The following EDC3 variants were observed in gnomAD, a reference collection of about 807,000 sequenced individuals.
EDC3 encodes the protein enhancer of mRNA decapping 3.
A neutral mutation model predicts 41.8 loss-of-function variants in EDC3; 20 were observed. The ratio of observed to expected loss-of-function variants is 0.48; its 90% CI spans 0.34 to 0.70. EDC3 has a LOEUF of 0.70. Among genes scored for constraint, EDC3 ranks in the 30% least tolerant of loss-of-function variants. The pLI is 0.01. For missense variants in EDC3, 444 were observed against 636.8 expected, an observed-to-expected ratio of 0.70 and a Z score of 3.26; for synonymous variants, 206 against 243.2, an observed-to-expected ratio of 0.85 and a Z score of 1.42.
chr15:74,636,392 G>A (rs1475484818), intron 5 of EDC3: 1 of 152,276 alleles, frequency 6.6e-6, no homozygotes, highest in Non-Finnish European at 1.5e-5. Context: ...GGAGGCAGCA[G>A]GCCAAGGGTT....
At position 74,671,870 on chromosome 15, in the gene EDC3, G is replaced by C. The variant is rs568139558; in HGVS notation, c.165-96C>G. On this transcript the variant is annotated intron_variant, in intron 2 of 6. Transcript: ENST00000315127. The surrounding 1 kb of genome is among the most constrained non-coding windows in gnomAD (Gnocchi z 4.6). ...CAAACAGCTACCCCTTTGCAGGACTGCATTTTATTGAGTTATCAGAGGCTA... is the reference window on the plus strand; with the variant it reads ...CAAACAGCTACCCCTTTGCAGGACTCCATTTTATTGAGTTATCAGAGGCTA... 1.3e-4 allele frequency: 161 copies of C among 1,229,164 alleles called. 1 individual carries two copies. The South Asian group carries it at 2.2e-3, about 17-fold the overall frequency. The allele number at this position is 1,229,164 out of a possible 1,614,324, so 76.1% of individuals were successfully genotyped here.
chr15:74,683,738 T>C (rs2062901925), intron 1 of EDC3, among the ~76,000 whole-genome samples: 1 of 151,994 alleles, frequency 6.6e-6, no homozygotes, highest in African/African-American at 2.4e-5. Flanking sequence ...AAAAAATCAA[T>C]GCCTTGCATC....
chr15:74,633,357 C>T (rs750149454), intron 6 of EDC3, among the ~76,000 whole-genome samples: 31 of 152,232 alleles, frequency 2.0e-4, no homozygotes, highest in Non-Finnish European at 4.0e-4. Context: ...CAGGGAAACC[C>T]CACTCAGGTC....
At chr15:74,650,565 A>G (rs552474435) in intron 4 of EDC3, among the ~76,000 whole-genome samples, 135 of 152,332 alleles carry the variant, frequency 8.9e-4, no homozygotes, top group African/African-American at 3.1e-3. Context: ...CTCTGGGCAT[A>G]TATGGAATCT....
chr15:74,658,824 C>T (rs1314587975), intron 3 of EDC3, among the ~76,000 whole-genome samples: 3 of 151,990 alleles, frequency 2.0e-5, no homozygotes, highest in Non-Finnish European at 2.9e-5. Context: ...CCTGTAGTCC[C>T]AGCTACTCAG....
intron 1 of EDC3, among the ~76,000 whole-genome samples, chr15:74,678,658 G>A (rs1395133113): frequency 2.0e-5 from 3 of 152,192 alleles, no homozygotes; most frequent in African/African-American, 4.8e-5. Flanking sequence ...GGGAGACTGA[G>A]GCAGGTGGAT....
Position 74,635,570 on chromosome 15 carries a change from T to C in EDC3, c.1031A>G (p.His344Arg). Reference protein sequence around the residue: ...RPTVALLCGPHVKGAQGISCG... With the variant: ...RPTVALLCGPRVKGAQGISCG... ...GCTGATACCCTGAGCCCCCTTCACA[T>C]GAGGTCCACACAGTAGAGCCACTGT... The change falls in exon 6 of 7, where the codon CAT becomes CGT. Residue 344 changes from histidine (H) to arginine (R), a missense_variant. Coordinates refer to ENST00000315127, the MANE Select transcript of EDC3 (RefSeq NM_025083.5). 6.2e-7 allele frequency: 1 copy of C among 1,614,228 alleles called. No homozygotes were observed. The highest frequency in any genetic ancestry group is 8.5e-7 in the Non-Finnish European group (1 of 1,180,042).
At chr15:74,663,025 A>C (rs1441053712) in intron 3 of EDC3, among the ~76,000 whole-genome samples, 1 of 152,118 alleles carries the variant, frequency 6.6e-6, no homozygotes, top group Non-Finnish European at 1.5e-5. Flanking sequence ...GTGGCTCAAC[A>C]CCTGTAATCC....
chr15:74,640,260 GAAT>G (rs974725595), intron 5 of EDC3: 2 of 558,758 alleles, frequency 3.6e-6, no homozygotes, highest in East Asian at 3.2e-5. Context: ...CTTGCCAGAA[GAAT>G]AATGAGGACA....
intron 3 of EDC3, among the ~76,000 whole-genome samples, chr15:74,658,645 A>C (rs1235238203): frequency 2.0e-5 from 3 of 150,370 alleles, no homozygotes; most frequent in Admixed American, 6.6e-5. Context: ...AAAAAAAAAA[A>C]AAAAAAAAAC....
chr15:74,654,425 T>C (rs963556412), intron 4 of EDC3, among the ~76,000 whole-genome samples: 1 of 152,196 alleles, frequency 6.6e-6, no homozygotes, highest in African/African-American at 2.4e-5. Flanking sequence ...AGGTAGATAG[T>C]TGGCTGATCT....
In EDC3 at chr15:74,688,686, A is replaced by C. The variant is rs1299155491; in HGVS notation, c.-19+7194T>G. 2.0e-5 allele frequency among the ~76,000 whole-genome samples: 3 copies of C among 152,226 alleles called. No individual in the cohort carries two copies. The East Asian group carries it at 5.8e-4, about 29-fold the overall frequency. On this transcript the variant is annotated intron_variant, in intron 1 of 6. Transcript: ENST00000315127. ...TTTGGGAGGCCACGGCGGGTGGATC[A>C]CTTGAGGTCAAGAGTTCAATACCAA...
chr15:74,660,366 C>T lies in EDC3; in HGVS notation c.485-4298G>A, dbSNP rs534381208. 2.3e-4 allele frequency among the ~76,000 whole-genome samples: 35 copies of T among 151,258 alleles called. No individual in the cohort carries two copies. In the East Asian group the frequency reaches 2.7e-3, roughly 12 times the overall value. ...TTGCAGTGAGCTGAGATCAAGATTG[C>T]GCCACTGCACTCCAGCCTTGGGGAC... is the stretch of plus-strand genomic sequence containing the variant. On this transcript the variant is annotated intron_variant, in intron 3 of 6. Transcript: ENST00000315127.
intron 1 of EDC3, among the ~76,000 whole-genome samples, chr15:74,685,991 G>A (rs751095885): frequency 8.5e-5 from 13 of 152,074 alleles, no homozygotes; most frequent in African/African-American, 1.5e-4. Flanking sequence ...TCAGGAGTTC[G>A]AGACCAGCCT....
chr15:74,644,666 A>ATG (rs1363010881), intron 4 of EDC3: 1 of 150,976 alleles, frequency 6.6e-6, no homozygotes, highest in Non-Finnish European at 1.5e-5. Context: ...ATATATATAT[A>ATG]TATATATAAA....
intron 1 of EDC3, among the ~76,000 whole-genome samples, chr15:74,678,434 A>T (rs184328671): frequency 2.0e-5 from 3 of 152,312 alleles, no homozygotes; most frequent in Non-Finnish European, 4.4e-5. Context: ...AACCAAATTG[A>T]TTATGTAATT....
chr15:74,676,620 A>C (rs779839813), intron 1 of EDC3, among the ~76,000 whole-genome samples: 7 of 152,222 alleles, frequency 4.6e-5, no homozygotes, highest in Admixed American at 2.0e-4. Context: ...CAAAACTGAC[A>C]CAAGAAATTA....
chr15:74,691,136 CAAA>C (rs112091416), intron 1 of EDC3, among the ~76,000 whole-genome samples: 9 of 115,584 alleles, frequency 7.8e-5, no homozygotes, highest in Admixed American at 9.3e-5. Flanking sequence ...GACCCTGTCT[CAAA>C]AAAAAAAAAA....
At chr15:74,682,534 C>T (rs892987176) in intron 1 of EDC3, among the ~76,000 whole-genome samples, 13 of 144,614 alleles carry the variant, frequency 9.0e-5, no homozygotes, top group African/African-American at 3.3e-4. Flanking sequence ...AGGAGAATGG[C>T]GTGAACTGAA....
Sources: gnomAD v4.1 joint callset for allele counts (sites outside exome capture counted in the v4.1 genomes callset) on GRCh38, gnomAD v4.1.1 for gene constraint, Gnocchi (gnomAD v3.1) non-coding constraint, MANE v1.5 for transcripts, NCBI Gene and HGNC (gene_info 2026-07-23, HGNC 2026-07-21) for gene names.